The following SNX29 variants were observed in gnomAD, a reference collection of about 807,000 sequenced individuals.
SNX29 encodes the protein sorting nexin 29, also known as sorting nexin-29.
In SNX29, 78 loss-of-function variants were observed where a neutral mutation model predicts 102.1. That is an observed-to-expected ratio of 0.76 (90% CI 0.64 to 0.92). The LOEUF is 0.92. Ranked by LOEUF, SNX29 falls within the 40% of genes least tolerant of loss-of-function variation. The probability of loss-of-function intolerance (pLI) is 0.00; values close to 1 mark genes in which losing one functional copy is unlikely to be tolerated. For synonymous variants in SNX29, 580 were observed against 414.5 expected (o/e 1.40, Z -4.85); for missense variants, 1,280 against 1,061.7 (o/e 1.21, Z -2.86).
chr16:12,505,144 T>G (rs148319952), intron 19 of SNX29, among the ~76,000 whole-genome samples: 353 of 152,338 alleles, frequency 2.3e-3, no homozygotes, highest in African/African-American at 8.1e-3. Flanking sequence ...AGACTCCTAC[T>G]GTGAATGTTT....
intron 15 of SNX29, among the ~76,000 whole-genome samples, chr16:12,313,828 A>G (rs2080644180): frequency 6.6e-6 from 1 of 152,338 alleles, no homozygotes; most frequent in Admixed American, 6.5e-5. Context: ...GTTGAATCCT[A>G]TGACAATGGC....
At chr16:12,297,494 C>T (rs186347818) in intron 15 of SNX29, among the ~76,000 whole-genome samples, 92 of 152,126 alleles carry the variant, frequency 6.0e-4, no homozygotes, top group African/African-American at 2.0e-3. Context: ...TCTCCTCCTC[C>T]GCATCCCTGG....
chr16:12,257,462 G>A (rs2078607353), intron 14 of SNX29, among the ~76,000 whole-genome samples: 1 of 151,966 alleles, frequency 6.6e-6, no homozygotes, highest in African/African-American at 2.4e-5. Flanking sequence ...CATCTTTGGG[G>A]CATGGGCATC....
intron 14 of SNX29, among the ~76,000 whole-genome samples, chr16:12,253,517 G>A (rs1188646769): frequency 1.3e-5 from 2 of 152,202 alleles, no homozygotes; most frequent in East Asian, 1.9e-4. Flanking sequence ...TAAGTGAGTC[G>A]GGATGAACTT....
At chr16:12,316,272 G>A (rs974438299) in intron 15 of SNX29, among the ~76,000 whole-genome samples, 11 of 152,176 alleles carry the variant, frequency 7.2e-5, no homozygotes, top group Non-Finnish European at 1.2e-4. Flanking sequence ...GATTCAAAAG[G>A]CCTCTTCTGG....
intron 15 of SNX29, among the ~76,000 whole-genome samples, chr16:12,294,595 G>T (rs923044920): frequency 6.6e-6 from 1 of 152,176 alleles, no homozygotes; most frequent in African/African-American, 2.4e-5. Context: ...ATGGTTCCCT[G>T]TTAGCTGGTC....
chr16:12,024,660 C>T (rs1484545876), intron 3 of SNX29, among the ~76,000 whole-genome samples: 2 of 152,192 alleles, frequency 1.3e-5, no homozygotes, highest in East Asian at 3.8e-4. Flanking sequence ...GTAACCCAAA[C>T]CTTGGGGACT....
chr16:12,341,406 G>C (rs2081606370), intron 15 of SNX29, among the ~76,000 whole-genome samples: 2 of 152,200 alleles, frequency 1.3e-5, no homozygotes, highest in African/African-American at 2.4e-5. Context: ...CCTTTCCTCA[G>C]ACTTTCAGGC....
At chr16:12,420,237 A>G (rs761664268) in intron 18 of SNX29, among the ~76,000 whole-genome samples, 1 of 152,246 alleles carries the variant, frequency 6.6e-6, no homozygotes, top group African/African-American at 2.4e-5. Context: ...TCACATTAAT[A>G]CTTACTGATG....
intron 20 of SNX29, among the ~76,000 whole-genome samples, chr16:12,533,211 G>A (rs141554407): frequency 6.4e-4 from 97 of 152,366 alleles, no homozygotes; most frequent in African/African-American, 2.2e-3. Flanking sequence ...GGCCACAGAG[G>A]ACACTTTGCT....
intron 18 of SNX29, among the ~76,000 whole-genome samples, chr16:12,421,489 T>C (rs144889921): frequency 7.1e-4 from 108 of 152,158 alleles, no homozygotes; most frequent in African/African-American, 2.5e-3. Context: ...CTTTCTTGAT[T>C]TGATTTCCCT....
chr16:12,333,056 T>G (rs1406757983), intron 15 of SNX29, among the ~76,000 whole-genome samples: 4 of 152,014 alleles, frequency 2.6e-5, no homozygotes, highest in Non-Finnish European at 5.9e-5. Context: ...TCCTGGATAT[T>G]TAGCAGTGTG....
At chr16:12,443,056 A>G (rs1010087729) in intron 18 of SNX29, 1 of 455,826 alleles carries the variant, frequency 2.2e-6, no homozygotes, top group Non-Finnish European at 4.4e-6. Flanking sequence ...CCAGCAGGCC[A>G]GGCGTCCAGC....
chr16:12,308,617 G>A (rs568799282), intron 15 of SNX29, among the ~76,000 whole-genome samples: 1 of 152,212 alleles, frequency 6.6e-6, no homozygotes, highest in Non-Finnish European at 1.5e-5. Flanking sequence ...GGGATAAACA[G>A]GAAACAAGAC....
At chr16:12,566,620 G>T (rs998279354) in intron 20 of SNX29, among the ~76,000 whole-genome samples, 1 of 152,198 alleles carries the variant, frequency 6.6e-6, no homozygotes, top group Admixed American at 6.5e-5. Context: ...CCCCTACACT[G>T]CAAGCAAAGA....
At chr16:12,391,973 T>C (rs1225117595) in intron 16 of SNX29, among the ~76,000 whole-genome samples, 17 of 152,234 alleles carry the variant, frequency 1.1e-4, no homozygotes, top group Non-Finnish European at 2.5e-4. Context: ...TAGATCATCG[T>C]CTCTCCTCTG....
chr16:12,252,152 C>G (rs2078440443), intron 14 of SNX29, among the ~76,000 whole-genome samples: 1 of 152,204 alleles, frequency 6.6e-6, no homozygotes, highest in African/African-American at 2.4e-5. Flanking sequence ...CCAGCTTTCC[C>G]CAAATCCACA....
chr16:12,027,162 G>A (rs1409054978), intron 3 of SNX29, among the ~76,000 whole-genome samples, 158 bp from the exon 4 acceptor site: 2 of 152,218 alleles, frequency 1.3e-5, no homozygotes, highest in African/African-American at 2.4e-5. Context: ...GTGGAGTGGC[G>A]CAGGTCAGTT....
chr16:12,179,383 G>GC (rs375438794), intron 13 of SNX29, among the ~76,000 whole-genome samples: 93 of 152,322 alleles, frequency 6.1e-4, no homozygotes, highest in African/African-American at 2.2e-3. Context: ...TACTCGGGAG[G>GC]CCGAGGCAAG....
Sources: gnomAD v4.1 joint callset for allele counts (sites outside exome capture counted in the v4.1 genomes callset) on GRCh38, gnomAD v4.1.1 for gene constraint, MANE v1.5 for transcripts, NCBI Gene and HGNC (gene_info 2026-07-23, HGNC 2026-07-21) for gene names.